Variants in CAMK1D observed in about 807,000 individuals in gnomAD.
CAMK1D encodes the protein calcium/calmodulin-dependent protein kinase type 1D.
A neutral mutation model predicts 47.7 loss-of-function variants in CAMK1D; 9 were observed. The ratio of observed to expected loss-of-function variants is 0.19; its 90% CI spans 0.11 to 0.33. CAMK1D has a LOEUF of 0.33. Among genes scored for constraint, CAMK1D ranks in the 10% least tolerant of loss-of-function variants. The pLI is 1.00. For missense variants in CAMK1D, 291 were observed against 488.7 expected, an observed-to-expected ratio of 0.60 and a Z score of 3.81; for synonymous variants, 184 against 184.9, an observed-to-expected ratio of 0.99 and a Z score of 0.04.
At chr10:12,618,835 T>G (rs1453539059) in intron 2 of CAMK1D, among the ~76,000 whole-genome samples, 1 of 152,226 alleles carries the variant, frequency 6.6e-6, no homozygotes. Flanking sequence ...TACCAATCAG[T>G]GACATATATC....
At chr10:12,425,943 A>G (rs1025373762) in intron 1 of CAMK1D, among the ~76,000 whole-genome samples, 4 of 152,250 alleles carry the variant, frequency 2.6e-5, no homozygotes, top group Non-Finnish European at 5.9e-5. Flanking sequence ...AACAGACTAA[A>G]AAATTCTCAT....
chr10:12,574,497 T>TTTTTTTA lies in CAMK1D; in HGVS notation c.224+21141_224+21142insTTTTTTA, dbSNP rs368308201. Among the ~76,000 whole-genome samples the TTTTTTTA allele has an allele frequency of 7.5e-3, 965 of 128,738 alleles. 37 individuals carry two copies. Among genetic ancestry groups the TTTTTTTA allele is most frequent in the Non-Finnish European group, 0.012 (746 of 62,310 alleles). 84.5% of individuals were successfully genotyped at this position (128,738 alleles called of 152,430 possible). A position where few individuals can be genotyped will look rare whatever the true frequency, so the allele number is the denominator to read the frequency against. ...TTTTTTTTTTTTTTTTTTTTTTTTT[T>TTTTTTTA]AGTAGAGACGGGGCTTCGCCATGTT... On this transcript the variant is annotated intron_variant, in intron 2 of 10. Coordinates refer to ENST00000619168, the MANE Select transcript of CAMK1D (RefSeq NM_153498.4).
Position 12,713,127 on chromosome 10 carries a change from A to G in CAMK1D, c.299+46317A>G, listed in dbSNP as rs568466345. On this transcript the variant is annotated intron_variant, in intron 3 of 10. Transcript: ENST00000619168. ...CTCTTGTTGCCCAAGCTGGAGTGCA[A>G]TGGCGCCACCTTGGCTCACTGCAAC... Among the ~76,000 whole-genome samples the G allele has an allele frequency of 3.9e-5, 6 of 151,906 alleles. No individual in the cohort carries two copies. The East Asian group carries it at 9.7e-4, about 25-fold the overall frequency.
intron 1 of CAMK1D, among the ~76,000 whole-genome samples, chr10:12,544,817 GATA>G: frequency 8.6e-6 from 1 of 115,906 alleles, no homozygotes; most frequent in East Asian, 2.6e-4. Context: ...GTGTTGAGTG[GATA>G]GTACTAGTGT....
intron 1 of CAMK1D, among the ~76,000 whole-genome samples, chr10:12,553,019 A>G (rs1460238760): frequency 6.6e-6 from 1 of 152,150 alleles, no homozygotes; most frequent in Non-Finnish European, 1.5e-5. Context: ...TCGGGATTAC[A>G]GGCATGAGCC....
chr10:12,762,466 T>C (rs1836555701), intron 4 of CAMK1D, among the ~76,000 whole-genome samples: 2 of 152,252 alleles, frequency 1.3e-5, no homozygotes, highest in Admixed American at 1.3e-4. Flanking sequence ...CTGCATGTTG[T>C]CATGTTCCAT....
At position 12,686,810 on chromosome 10, in the gene CAMK1D, A is replaced by T. The variant is rs115429205; in HGVS notation, c.299+20000A>T. ...ACTTGTACTATTTGAATTTTTTACC[A>T]TATTAAAAAAGATTAAACAGGCTCT... is the stretch of plus-strand genomic sequence containing the variant. On this transcript the variant is annotated intron_variant, in intron 3 of 10. Transcript: ENST00000619168. 7.5e-3 allele frequency among the ~76,000 whole-genome samples: 1,141 copies of T among 152,294 alleles called. 19 individuals are homozygous for T. The highest frequency in any genetic ancestry group is 0.026 in the African/African-American group (1,075 of 41,560).
intron 2 of CAMK1D, among the ~76,000 whole-genome samples, chr10:12,650,739 A>T (rs1167376418): frequency 1.3e-5 from 2 of 152,126 alleles, no homozygotes; most frequent in Non-Finnish European, 2.9e-5. Context: ...TGATGTCCTA[A>T]CGGCTGTTGT....
intron 3 of CAMK1D, among the ~76,000 whole-genome samples, chr10:12,751,768 C>T (rs11592385): frequency 0.15 from 22,528 of 152,154 alleles, 1,772 homozygotes; most frequent in Admixed American, 0.17. Context: ...TCTGCAGGTC[C>T]CAGCCTCAGC....
At chr10:12,759,012 A>G (rs576373257) in intron 3 of CAMK1D, among the ~76,000 whole-genome samples, 8 of 152,302 alleles carry the variant, frequency 5.3e-5, no homozygotes, top group Admixed American at 1.3e-4. Context: ...CTGGCATGTA[A>G]TGGGCACCCA....
At chr10:12,764,336 G>T (rs112605065) in intron 4 of CAMK1D, among the ~76,000 whole-genome samples, 1 of 129,156 alleles carries the variant, frequency 7.7e-6, no homozygotes, top group African/African-American at 2.9e-5. Context: ...AGCCGAGATC[G>T]CACCATTGCA....
At chr10:12,583,609 T>TA (rs1396550555) in intron 2 of CAMK1D, among the ~76,000 whole-genome samples, 35 of 126,406 alleles carry the variant, frequency 2.8e-4, no homozygotes, top group African/African-American at 7.1e-4. Flanking sequence ...TGTTTTATTT[T>TA]TTTTTTTTTT....
At position 12,655,296 on chromosome 10, in the gene CAMK1D, C is replaced by T. The variant is rs560403729; in HGVS notation, c.225-11440C>T. 7.2e-5 allele frequency among the ~76,000 whole-genome samples: 11 copies of T among 152,142 alleles called. No homozygotes were observed. The South Asian group carries it at 1.7e-3, about 23-fold the overall frequency. ...GAGGTGCCACACAAGAAGCCACTGT[C>T]GCAAAGACAGCACCAAGCCATGAGG... On this transcript the variant is annotated intron_variant, in intron 2 of 10. Transcript: ENST00000619168.
chr10:12,732,835 A>G (rs1290776863), intron 3 of CAMK1D, among the ~76,000 whole-genome samples: 7 of 152,108 alleles, frequency 4.6e-5, no homozygotes, highest in African/African-American at 1.7e-4. Flanking sequence ...GCCCATGATT[A>G]CAGTGCAGGC....
At chr10:12,607,072 C>A (rs1280431879) in intron 2 of CAMK1D, among the ~76,000 whole-genome samples, 1 of 152,132 alleles carries the variant, frequency 6.6e-6, no homozygotes, top group Non-Finnish European at 1.5e-5. Context: ...GTGATCCACC[C>A]ACCTCGGCCT....
chr10:12,813,637 CCTTTTTGCTATTTATT>C (rs1832690446), intron 6 of CAMK1D, among the ~76,000 whole-genome samples: 1 of 151,940 alleles, frequency 6.6e-6, no homozygotes. Context: ...CTGAGTTGAC[CCTTTTTGCTATTTATT>C]AAATCGCAGT....
intron 1 of CAMK1D, among the ~76,000 whole-genome samples, chr10:12,488,967 G>T (rs1011523639): frequency 1.3e-5 from 2 of 151,998 alleles, no homozygotes; most frequent in African/African-American, 4.8e-5. Flanking sequence ...ATGGAGTCTC[G>T]CTCTGAGGCC....
chr10:12,538,915 G>C (rs1312186479), intron 1 of CAMK1D, among the ~76,000 whole-genome samples: 2 of 149,446 alleles, frequency 1.3e-5, no homozygotes, highest in Admixed American at 6.7e-5. Context: ...GAGAAAGGAA[G>C]AGTGTAGGCA....
chr10:12,407,390 C>A, intron 1 of CAMK1D, among the ~76,000 whole-genome samples: 1 of 152,244 alleles, frequency 6.6e-6, no homozygotes, highest in Non-Finnish European at 1.5e-5. Flanking sequence ...CTCACCATCC[C>A]CTACCTCAAG....
Sources: allele counts gnomAD v4.1 joint callset (sites outside exome capture counted in the v4.1 genomes callset), GRCh38; gene constraint gnomAD v4.1.1; transcripts MANE v1.5; gene names NCBI Gene and HGNC (gene_info 2026-07-23, HGNC 2026-07-21).